Variants in ASIC2 observed in about 807,000 individuals in gnomAD.
ASIC2 encodes the protein acid-sensing ion channel 2.
A neutral mutation model predicts 57.3 loss-of-function variants in ASIC2; 25 were observed. That is an observed-to-expected ratio of 0.44 (90% confidence interval 0.32 to 0.61). ASIC2 has a LOEUF of 0.61. Among genes scored for constraint, ASIC2 ranks in the 20% least tolerant of loss-of-function variants. The probability of loss-of-function intolerance (pLI) is 0.06; values close to 1 mark genes in which losing one functional copy is unlikely to be tolerated. For missense variants in ASIC2, 641 were observed against 738.1 expected (o/e 0.87, Z 1.52); for synonymous variants, 319 against 307.5 (o/e 1.04, Z -0.39).
chr17:33,590,594 C>CA (rs1343739290), intron 1 of ASIC2, among the ~76,000 whole-genome samples: 15 of 150,154 alleles, frequency 1.0e-4, no homozygotes, highest in African/African-American at 3.8e-4. Context: ...CTCTATACCA[C>CA]ACCCCAGTCT....
At chr17:33,419,221 C>T (rs1046501922) in intron 1 of ASIC2, among the ~76,000 whole-genome samples, 1 of 152,224 alleles carries the variant, frequency 6.6e-6, no homozygotes, top group Non-Finnish European at 1.5e-5. Flanking sequence ...GAGGGAGCGG[C>T]TAAGGTGACT....
intron 1 of ASIC2, among the ~76,000 whole-genome samples, chr17:33,739,830 AAAAG>A (rs1167013891): frequency 2.6e-5 from 4 of 151,812 alleles, no homozygotes; most frequent in East Asian, 3.9e-4. Context: ...GAAAGAAAGA[AAAAG>A]AAAGAGAAAG....
Position 33,887,618 on chromosome 17 carries a change from T to C in ASIC2, c.555+268360A>G, listed in dbSNP as rs780383067. 3.0e-4 allele frequency among the ~76,000 whole-genome samples: 46 copies of C among 152,094 alleles called. 1 individual carries two copies. Among genetic ancestry groups the C allele is most frequent in the Non-Finnish European group, 1.9e-4 (13 of 68,014 alleles). ...TGCGGAGAGGTGAGACCTTTTGTGG[T>C]TCTGGGTGTACATTTCTAGAAGATT... On this transcript the variant is annotated intron_variant, in intron 1 of 9. Coordinates refer to the ASIC2 transcript ENST00000359872.
At chr17:33,945,831 C>T (rs1390929121) in intron 1 of ASIC2, among the ~76,000 whole-genome samples, 1 of 152,192 alleles carries the variant, frequency 6.6e-6, no homozygotes, top group Non-Finnish European at 1.5e-5. Flanking sequence ...AGCAGGCAGT[C>T]TCAGAAACAA....
chr17:33,318,509 C>T (rs939983136), intron 1 of ASIC2, among the ~76,000 whole-genome samples: 6 of 152,200 alleles, frequency 3.9e-5, no homozygotes, highest in African/African-American at 7.2e-5. Flanking sequence ...GGGTGACACA[C>T]CACAATTGCA....
At chr17:34,127,114 TCA>T (rs1351509351) in intron 1 of ASIC2, among the ~76,000 whole-genome samples, 12 of 152,316 alleles carry the variant, frequency 7.9e-5, no homozygotes, top group South Asian at 2.1e-4. Flanking sequence ...CAGGTAACAG[TCA>T]CACAACTCAA....
chr17:33,815,916 AATCCAGGGCTAGT>A (rs1342256494), intron 1 of ASIC2, among the ~76,000 whole-genome samples: 1 of 152,220 alleles, frequency 6.6e-6, no homozygotes, highest in Admixed American at 6.5e-5. Context: ...TGATATGCCA[AATCCAGGGCTAGT>A]ATCACAGTCT....
intron 1 of ASIC2, among the ~76,000 whole-genome samples, chr17:33,711,870 C>T (rs1909047236): frequency 6.6e-6 from 1 of 152,158 alleles, no homozygotes. Flanking sequence ...CAAATCATAT[C>T]AGTCCTCTTT....
chr17:33,029,032 A>G (rs918439964), intron 3 of ASIC2, among the ~76,000 whole-genome samples: 8 of 152,216 alleles, frequency 5.3e-5, no homozygotes, highest in African/African-American at 1.9e-4. Flanking sequence ...CTCTCATAGC[A>G]TCTATGGTAC....
chr17:33,332,110 G>A (rs1312670617), intron 1 of ASIC2, among the ~76,000 whole-genome samples: 1 of 152,230 alleles, frequency 6.6e-6, no homozygotes, highest in Admixed American at 6.5e-5. Flanking sequence ...AAATGATGAT[G>A]CCTAGTTGAC....
Position 33,458,033 on chromosome 17 carries a change from T to C in ASIC2, c.556-345966A>G, listed in dbSNP as rs542439840. 2.7e-5 allele frequency among the ~76,000 whole-genome samples: 4 copies of C among 150,552 alleles called. No homozygotes were observed. The East Asian group carries it at 5.8e-4, about 22-fold the overall frequency. Reference sequence around the variant, plus strand: ...GTGCTGTGGGGGAAGGGGATTCTGATTCTGACAGGGGTGATTGCTGAAGTC... The same window carrying C: ...GTGCTGTGGGGGAAGGGGATTCTGACTCTGACAGGGGTGATTGCTGAAGTC... On this transcript the variant is annotated intron_variant, in intron 1 of 9. Coordinates refer to the ASIC2 transcript ENST00000359872.
At chr17:33,822,758 G>C (rs533016089) in intron 1 of ASIC2, among the ~76,000 whole-genome samples, 1 of 152,196 alleles carries the variant, frequency 6.6e-6, no homozygotes, top group African/African-American at 2.4e-5. Flanking sequence ...CTGGGATGTG[G>C]TTGTGAGTTC....
intron 1 of ASIC2, among the ~76,000 whole-genome samples, chr17:33,321,351 T>C (rs569035764): frequency 2.0e-5 from 3 of 152,300 alleles, no homozygotes; most frequent in Non-Finnish European, 2.9e-5. Flanking sequence ...ACCATTTAAG[T>C]TCACCCATTC....
chr17:33,883,161 G>A (rs566512634), intron 1 of ASIC2, among the ~76,000 whole-genome samples: 1 of 152,170 alleles, frequency 6.6e-6, no homozygotes, highest in Admixed American at 6.5e-5. Context: ...GAGTTAATGG[G>A]TGCAGCACAC....
At chr17:33,322,229 C>A (rs752847866) in intron 1 of ASIC2, among the ~76,000 whole-genome samples, 3 of 152,180 alleles carry the variant, frequency 2.0e-5, no homozygotes, top group Non-Finnish European at 4.4e-5. Context: ...GAAAGTGGAG[C>A]AAAGCCAGCT....
At chr17:33,540,208 T>C (rs1039446545) in intron 1 of ASIC2, among the ~76,000 whole-genome samples, 17 of 152,342 alleles carry the variant, frequency 1.1e-4, no homozygotes, top group African/African-American at 4.1e-4. Flanking sequence ...GATGTCATTT[T>C]CTGTGTATCT....
intron 1 of ASIC2, among the ~76,000 whole-genome samples, chr17:34,138,701 C>T (rs952582391): frequency 2.6e-5 from 4 of 152,112 alleles, no homozygotes; most frequent in South Asian, 2.1e-4. Context: ...TGGGATATCA[C>T]GGGATCCAGA....
chr17:33,993,162 C>T (rs1405869307), intron 1 of ASIC2, among the ~76,000 whole-genome samples: 1 of 152,158 alleles, frequency 6.6e-6, no homozygotes, highest in East Asian at 1.9e-4. Flanking sequence ...GACTGCCTAC[C>T]ACTTTAATTC....
At chr17:34,088,169 G>GT (rs1910181859) in intron 1 of ASIC2, among the ~76,000 whole-genome samples, 1 of 152,104 alleles carries the variant, frequency 6.6e-6, no homozygotes, top group Non-Finnish European at 1.5e-5. Flanking sequence ...CATCTTTGTG[G>GT]TTTTATCTAC....
Sources: gnomAD v4.1 joint callset for allele counts (sites outside exome capture counted in the v4.1 genomes callset) on GRCh38, gnomAD v4.1.1 for gene constraint, MANE v1.5 for transcripts, NCBI Gene and HGNC (gene_info 2026-07-23, HGNC 2026-07-21) for gene names.